Variants in APBB2 observed in about 807,000 individuals in gnomAD.
APBB2 encodes the protein Fe65-like 1.
APBB2 carries 38 observed loss-of-function variants against 82.5 expected under a neutral mutation model. The observed-to-expected ratio is 0.46, with a 90% CI of 0.36 to 0.60. The LOEUF (loss-of-function observed/expected upper bound fraction) is 0.60. Ranked by LOEUF, APBB2 falls within the 20% of genes least tolerant of loss-of-function variation. APBB2 has a pLI of 0.00. For synonymous variants in APBB2, 341 were observed against 368.2 expected, an observed-to-expected ratio of 0.93 and a Z score of 0.85; for missense variants, 772 against 972.3, an observed-to-expected ratio of 0.79 and a Z score of 2.74.
At chr4:41,119,817 A>G (rs2153990728) in intron 2 of APBB2, among the ~76,000 whole-genome samples, 1 of 152,330 alleles carries the variant, frequency 6.6e-6, no homozygotes, top group Non-Finnish European at 1.5e-5. Context: ...TGGCCTAAGA[A>G]ATCACCATCA....
At chr4:40,965,125 A>T (rs919035862) in intron 6 of APBB2, among the ~76,000 whole-genome samples, 1 of 151,248 alleles carries the variant, frequency 6.6e-6, no homozygotes, top group African/African-American at 2.4e-5. Context: ...ATCTCAAAAA[A>T]TTAAAAAAAA....
chr4:41,184,983 G>A (rs148486220), intron 1 of APBB2, among the ~76,000 whole-genome samples: 109 of 152,314 alleles, frequency 7.2e-4, no homozygotes, highest in African/African-American at 2.5e-3. Context: ...TTCAGCGTCC[G>A]CCTGTGGAGA....
chr4:41,057,143 A>ACAAAGCAT (rs1273533832), intron 4 of APBB2, among the ~76,000 whole-genome samples: 3 of 152,230 alleles, frequency 2.0e-5, no homozygotes, highest in Non-Finnish European at 4.4e-5. Context: ...TATTCCTTTA[A>ACAAAGCAT]CAAAGCATCA....
At chr4:40,889,015 G>A (rs1248468082) in intron 12 of APBB2, among the ~76,000 whole-genome samples, 2 of 152,216 alleles carry the variant, frequency 1.3e-5, no homozygotes, top group Non-Finnish European at 2.9e-5. Context: ...ACCAATTCAT[G>A]CATCTTTCCA....
Position 40,964,703 on chromosome 4 carries a change from A to G in APBB2, c.836-19630T>C, listed in dbSNP as rs140219318. On this transcript the variant is annotated intron_variant, in intron 6 of 17. Transcript: ENST00000508593. ...AATGCAGCCCATGTACACATAGCCT[A>G]TGGATACATCTCCAAAACACAGTAC... Among the ~76,000 whole-genome samples the G allele has an allele frequency of 4.0e-3, 586 of 146,464 alleles. 2 individuals are homozygous for G. The highest frequency in any genetic ancestry group is 0.013 in the African/African-American group (544 of 40,476).
Position 40,939,063 on chromosome 4 carries a change from CAG to C in APBB2, c.1045-3926_1045-3925del, listed in dbSNP as rs1213658663. Among the ~76,000 whole-genome samples the C allele has an allele frequency of 4.6e-5, 7 of 152,306 alleles. No homozygotes were observed. The South Asian group carries it at 1.0e-3, about 23-fold the overall frequency. The stretch of plus-strand genomic sequence containing the variant: ...TGCCCTGCACCCACTCAGGGCTCTG[CAG>C]AGAGTCCCCACCAGGAAGAAGGCCC... On this transcript the variant is annotated intron_variant, in intron 7 of 17. Coordinates refer to ENST00000508593, the MANE Select transcript of APBB2 (RefSeq NM_004307.2).
chr4:40,845,143 T>C (rs973775193), intron 12 of APBB2, among the ~76,000 whole-genome samples: 3 of 152,228 alleles, frequency 2.0e-5, no homozygotes, highest in African/African-American at 7.2e-5. Context: ...CACTGCTTGA[T>C]TTAAGTATCA....
At chr4:41,065,708 A>G (rs1731493729) in intron 3 of APBB2, 35 bp from the exon 4 acceptor site, 1 of 150,302 alleles carries the variant, frequency 6.7e-6, no homozygotes, top group Admixed American at 6.7e-5. Context: ...AGGTAGAAAC[A>G]AAACAGAGAC....
chr4:40,826,632 C>T lies in APBB2; in HGVS notation c.1732+500G>A, dbSNP rs971474591. On this transcript the variant is annotated intron_variant, in intron 14 of 17. Transcript: ENST00000508593. This position sits in a 1 kb window ranked among gnomAD's most constrained non-coding sequence, Gnocchi z 4.5. ...CTGGGATTATAGATGTGAACCACCG[C>T]GCCTGGCCCATGTTTTCTTTTTTTA... 5 of 157,114 alleles carry T rather than the reference C, an allele frequency of 3.2e-5. No individual in the cohort carries two copies. Among genetic ancestry groups the T allele is most frequent in the African/African-American group, 9.7e-5 (4 of 41,406 alleles). The allele number at this position is 157,114 out of a possible 1,614,324, so 9.7% of individuals were successfully genotyped here.
rs997780623 is a variant in APBB2, at chr4:40,880,043, C to T, written c.1529+10321G>A. On this transcript the variant is annotated intron_variant, in intron 12 of 17. Transcript: ENST00000508593. Reference sequence around the variant, plus strand: ...ATTACTATGTTAATAAAAAGAGTGTCACTGGGAGCGATGGCACTTATGACC... The same window carrying T: ...ATTACTATGTTAATAAAAAGAGTGTTACTGGGAGCGATGGCACTTATGACC... The T allele has an allele frequency of 5.1e-6, 5 of 985,262 alleles. No individual in the cohort carries two copies. In the African/African-American group the frequency reaches 7.0e-5, roughly 14 times the overall value. 61.0% of individuals were successfully genotyped at this position (985,262 alleles called of 1,614,324 possible). A position where few individuals can be genotyped will look rare whatever the true frequency, so the allele number is the denominator to read the frequency against.
chr4:41,126,793 T>C (rs1754535571), intron 2 of APBB2, among the ~76,000 whole-genome samples: 1 of 152,222 alleles, frequency 6.6e-6, no homozygotes, highest in African/African-American at 2.4e-5. Flanking sequence ...TGTCTGTGCC[T>C]AATTTCTTCT....
intron 12 of APBB2, among the ~76,000 whole-genome samples, chr4:40,837,653 CCA>C (rs1465504415): frequency 1.3e-5 from 2 of 152,208 alleles, no homozygotes; most frequent in African/African-American, 4.8e-5. Context: ...CCAGCTCATG[CCA>C]TACCCTAGCC....
intron 12 of APBB2, among the ~76,000 whole-genome samples, chr4:40,846,849 C>G (rs766274329): frequency 1.3e-5 from 2 of 152,000 alleles, no homozygotes; most frequent in Non-Finnish European, 2.9e-5. Flanking sequence ...TAAAAGCAAC[C>G]AGGAAACGAG....
At chr4:41,148,227 A>G (rs898706326) in intron 1 of APBB2, among the ~76,000 whole-genome samples, 1 of 152,226 alleles carries the variant, frequency 6.6e-6, no homozygotes, top group African/African-American at 2.4e-5. Flanking sequence ...TAGGATTTCA[A>G]CTAGGGGAAG....
At chr4:41,051,772 C>T (rs988010766) in intron 4 of APBB2, among the ~76,000 whole-genome samples, 1 of 152,192 alleles carries the variant, frequency 6.6e-6, no homozygotes, top group African/African-American at 2.4e-5. Context: ...CCACCTTTAT[C>T]ACCACCACAT....
chr4:40,856,680 T>C (rs1465990807), intron 12 of APBB2, among the ~76,000 whole-genome samples: 1 of 148,870 alleles, frequency 6.7e-6, no homozygotes, highest in East Asian at 1.9e-4. Context: ...TAGAACGCTG[T>C]CCACGGCAGA....
At chr4:41,089,182 C>G (rs1021872159) in intron 3 of APBB2, among the ~76,000 whole-genome samples, 3 of 152,166 alleles carry the variant, frequency 2.0e-5, no homozygotes, top group African/African-American at 4.8e-5. Flanking sequence ...CAGTCAGCAT[C>G]CTTCTGATTG....
At position 41,160,031 on chromosome 4, in the gene APBB2, A is replaced by AGAAGAAGAAGAAGAG. The variant is rs1560914676; in HGVS notation, c.-416-16890_-416-16889insCTCTTCTTCTTCTTC. On this transcript the variant is annotated intron_variant, in intron 1 of 17. Transcript: ENST00000508593. ...AAGAAGAAGAAGAAGAAGAAGAAGA[A>AGAAGAAGAAGAAGAG]GAAGAAAACATCACAGGATGCTGTT... 7.5e-5 allele frequency among the ~76,000 whole-genome samples: 11 copies of AGAAGAAGAAGAAGAG among 147,340 alleles called. No individual in the cohort carries two copies. The East Asian group carries it at 2.2e-3, about 29-fold the overall frequency.
intron 2 of APBB2, among the ~76,000 whole-genome samples, chr4:41,123,826 A>T (rs1307380034): frequency 6.6e-6 from 1 of 152,138 alleles, no homozygotes; most frequent in Non-Finnish European, 1.5e-5. Context: ...GTCTCACAAA[A>T]AAAAACCAAA....
Sources: gnomAD v4.1 joint callset for allele counts (sites outside exome capture counted in the v4.1 genomes callset) on GRCh38, gnomAD v4.1.1 for gene constraint, Gnocchi (gnomAD v3.1) non-coding constraint, MANE v1.5 for transcripts, NCBI Gene and HGNC (gene_info 2026-07-23, HGNC 2026-07-21) for gene names.